Variants in ZNF236 observed in about 807,000 individuals in gnomAD.
ZNF236 encodes the protein regulated by glucose.
Under a neutral mutation model 191.2 loss-of-function variants are expected in ZNF236, and 50 were observed. That is an observed-to-expected ratio of 0.26 (90% CI 0.21 to 0.33). The LOEUF is 0.33. ZNF236 is among the 10% of genes least tolerant of loss of function. ZNF236 has a pLI of 1.00. For synonymous variants in ZNF236, 907 were observed against 928.8 expected (o/e 0.98, Z 0.43); for missense variants, 1,754 against 2,374.5 (o/e 0.74, Z 5.43).
At chr18:76,931,341 G>A (rs994911520) in intron 25 of ZNF236, 94 of 152,282 alleles carry the variant, frequency 6.2e-4, no homozygotes, top group African/African-American at 1.8e-3. Flanking sequence ...GTGTGTCAGC[G>A]TCATGCTTTG....
At chr18:76,828,767 A>G (rs1314234131) in intron 1 of ZNF236, among the ~76,000 whole-genome samples, 4 of 151,998 alleles carry the variant, frequency 2.6e-5, no homozygotes, top group Non-Finnish European at 5.9e-5. Flanking sequence ...TCTGGGTTCA[A>G]ACAATTCTCC....
At position 76,871,716 on chromosome 18, in the gene ZNF236, G is replaced by A. The variant is rs1976589180; in HGVS notation, c.558G>A (p.Arg186=). 2 of 1,614,174 alleles carry A rather than the reference G, an allele frequency of 1.2e-6. No homozygotes were observed. Among genetic ancestry groups the A allele is most frequent in the Non-Finnish European group, 1.7e-6 (2 of 1,180,030 alleles). ...ATTACACTAGGGTATCAAGTACAAGGTCTTATAACCGGAATATCGACAGAA... is the reference window on the plus strand; with the variant it reads ...ATTACACTAGGGTATCAAGTACAAGATCTTATAACCGGAATATCGACAGAA... ...THYKIRVSST[R]SYNRNIDRSG... The change falls in exon 5 of 31, where the codon AGG becomes AGA. Residue 186 remains arginine (R), a synonymous_variant. Transcript: ENST00000320610.
chr18:76,906,637 G>A (rs924964177), intron 13 of ZNF236, among the ~76,000 whole-genome samples: 2 of 152,202 alleles, frequency 1.3e-5, no homozygotes, highest in Admixed American at 6.5e-5. Flanking sequence ...TGGGTGTTCA[G>A]GCCCTTGTTT....
Position 76,913,911 on chromosome 18 carries a change from C to T in ZNF236, c.3061+13C>T, listed in dbSNP as rs1445967249. ...AAGACACACACAGGTCACTGTCTGC[C>T]TTATACTTGGAGATTAGTCCTTTAA... On this transcript the variant is annotated intron_variant, in intron 18 of 30. Coordinates refer to ENST00000320610, the MANE Select transcript of ZNF236 (RefSeq NM_001306089.2). The T allele has an allele frequency of 1.2e-6, 2 of 1,613,522 alleles. No individual in the cohort carries two copies. Among genetic ancestry groups the T allele is most frequent in the African/African-American group, 1.3e-5 (1 of 74,878 alleles).
At chr18:76,935,790 C>T (rs1245590469) in intron 25 of ZNF236, among the ~76,000 whole-genome samples, 7 of 152,248 alleles carry the variant, frequency 4.6e-5, no homozygotes, top group Admixed American at 3.3e-4. Context: ...AGGTCAGCTG[C>T]TGTACTGGTC....
At chr18:76,868,902 A>G (rs1599348640) in intron 4 of ZNF236, 39 bp downstream of exon 4, 1 of 1,540,242 alleles carries the variant, frequency 6.5e-7, no homozygotes, top group Non-Finnish European at 8.7e-7. Context: ...AAATCCATCT[A>G]ATATGTTAAA....
intron 26 of ZNF236, among the ~76,000 whole-genome samples, chr18:76,943,266 T>C (rs1968183867): frequency 6.6e-6 from 1 of 152,196 alleles, no homozygotes; most frequent in Admixed American, 6.5e-5. Flanking sequence ...GAGTAAGTGA[T>C]AATTTTAATT....
chr18:76,894,994 G>T lies in ZNF236; in HGVS notation c.1418-19G>T. 1 of 1,605,426 alleles carries T rather than the reference G, an allele frequency of 6.2e-7. No homozygotes were observed. On this transcript the variant is annotated intron_variant, in intron 9 of 30. Transcript: ENST00000320610. The stretch of plus-strand genomic sequence containing the variant: ...GCGGGGTGTCCAGGCCAAGCGGGAC[G>T]TGTCCTCTCCCTTCACAGGCTCCAT...
At chr18:76,840,088 G>C (rs1054781926) in intron 1 of ZNF236, among the ~76,000 whole-genome samples, 3 of 152,178 alleles carry the variant, frequency 2.0e-5, no homozygotes, top group Non-Finnish European at 4.4e-5. Flanking sequence ...TTTGGGTAAT[G>C]TGTGTGTAGT....
chr18:76,934,008 T>G (rs1181561487), intron 25 of ZNF236, among the ~76,000 whole-genome samples: 1 of 152,216 alleles, frequency 6.6e-6, no homozygotes, highest in African/African-American at 2.4e-5. Flanking sequence ...TCTTCTAAGG[T>G]AAACACTCAA....
At chr18:76,951,696 C>T (rs771083295) in intron 27 of ZNF236, among the ~76,000 whole-genome samples, 10 of 152,198 alleles carry the variant, frequency 6.6e-5, no homozygotes, top group Non-Finnish European at 1.2e-4. Flanking sequence ...CTTCAAGAAC[C>T]TTTCCTTCAT....
At chr18:76,965,252 A>T (rs1968744577) in intron 30 of ZNF236, among the ~76,000 whole-genome samples, 1 of 152,056 alleles carries the variant, frequency 6.6e-6, no homozygotes, top group Admixed American at 6.5e-5. Flanking sequence ...TTTTTTATTT[A>T]TGCTATCAAT....
At chr18:76,897,328 A>C (rs1440675546) in intron 10 of ZNF236, among the ~76,000 whole-genome samples, 1 of 151,822 alleles carries the variant, frequency 6.6e-6, no homozygotes, top group Non-Finnish European at 1.5e-5. Flanking sequence ...CACAGGCATC[A>C]TGCATGCTAC....
In ZNF236 at chr18:76,960,185, T is replaced by TCC. The variant is rs1968628917; in HGVS notation, c.5242+369_5242+370insCC. On this transcript the variant is annotated intron_variant, in intron 29 of 30. Transcript: ENST00000320610. This position sits in a 1 kb window ranked among gnomAD's most constrained non-coding sequence, Gnocchi z 4.4. The stretch of plus-strand genomic sequence containing the variant: ...GGGAACTTAATTTTTAATCTTCCTC[T>TCC]TCTGTCTTAAAACTTTTTTTCTCTG... Among the ~76,000 whole-genome samples, 1 of 152,320 alleles carries TCC rather than the reference T, an allele frequency of 6.6e-6. No homozygotes were observed. The highest frequency in any genetic ancestry group is 2.1e-4 in the South Asian group (1 of 4,822).
chr18:76,910,495 C>A (rs1180694659), intron 15 of ZNF236, among the ~76,000 whole-genome samples, 165 bp from the exon 16 acceptor site: 17 of 152,204 alleles, frequency 1.1e-4, no homozygotes, highest in Admixed American at 1.0e-3. Context: ...AGCCTCCTGC[C>A]TGTTAGCAAA....
At chr18:76,834,664 C>G (rs1460190668) in intron 1 of ZNF236, 1 of 440,488 alleles carries the variant, frequency 2.3e-6, no homozygotes, top group East Asian at 5.5e-5. Context: ...GGACATATTT[C>G]TTCCTGTAAA....
Position 76,908,394 on chromosome 18 carries a change from G to A in ZNF236, c.2372G>A (p.Ser791Asn), listed in dbSNP as rs777142305. ...GATGACAGCACTGTAGACCAGCAGAGCATGCAGGCCTCCACTCAAATGCAG... is the reference window on the plus strand; with the variant it reads ...GATGACAGCACTGTAGACCAGCAGAACATGCAGGCCTCCACTCAAATGCAG... Reference protein sequence around the residue: ...SIDDSTVDQQSMQASTQMQVE... With the variant: ...SIDDSTVDQQNMQASTQMQVE... Residue 791 changes from serine (S) to asparagine (N), a missense_variant, in exon 14 of 31, where the codon AGC becomes AAC. Around this residue, in one of 5 missense-constraint regions of ZNF236, gnomAD observed 641 missense variants for 869.6 expected, o/e 0.74. Coordinates refer to ENST00000320610, the MANE Select transcript of ZNF236 (RefSeq NM_001306089.2). 2.5e-6 allele frequency: 4 copies of A among 1,614,088 alleles called. No individual in the cohort carries two copies. Among genetic ancestry groups the A allele is most frequent in the East Asian group, 4.5e-5 (2 of 44,898 alleles).
intron 14 of ZNF236, among the ~76,000 whole-genome samples, chr18:76,909,843 ATGTC>A (rs1182376281): frequency 6.6e-6 from 1 of 152,254 alleles, no homozygotes; most frequent in African/African-American, 2.4e-5. Context: ...TAATGGAACA[ATGTC>A]TGAGTTTTCA....
At chr18:76,964,844 T>C (rs1198039784) in intron 30 of ZNF236, among the ~76,000 whole-genome samples, 1 of 152,234 alleles carries the variant, frequency 6.6e-6, no homozygotes, top group Non-Finnish European at 1.5e-5. Flanking sequence ...CTGCTGTTGC[T>C]GATGACAATG....
Sources: allele counts gnomAD v4.1 joint callset (sites outside exome capture counted in the v4.1 genomes callset), GRCh38; gene constraint gnomAD v4.1.1; regional missense constraint gnomAD v4.1.1; non-coding constraint Gnocchi (gnomAD v3.1); transcripts MANE v1.5; gene names NCBI Gene and HGNC (gene_info 2026-07-23, HGNC 2026-07-21).